Variants in GRIK2 observed in about 807,000 individuals in gnomAD.
GRIK2 encodes the protein glutamate ionotropic receptor kainate type subunit 2.
In GRIK2, 32 loss-of-function variants were observed where a neutral mutation model predicts 100.3. That is an observed-to-expected ratio of 0.32 (90% CI 0.24 to 0.43). GRIK2 has a LOEUF of 0.43. Among genes scored for constraint, GRIK2 ranks in the 20% least tolerant of loss-of-function variants. The pLI is 1.00. For synonymous variants in GRIK2, 417 were observed against 389.4 expected (o/e 1.07, Z -0.83); for missense variants, 843 against 1,114.9 (o/e 0.76, Z 3.47).
chr6:101,609,140 A>G (rs1779566203), intron 2 of GRIK2, among the ~76,000 whole-genome samples: 1 of 151,828 alleles, frequency 6.6e-6, no homozygotes, highest in Non-Finnish European at 1.5e-5. Context: ...CTACTAGATT[A>G]GCTACATTAT....
At position 101,458,064 on chromosome 6, in the gene GRIK2, T is replaced by C. The variant is rs138991877; in HGVS notation, c.115+58672T>C. Among the ~76,000 whole-genome samples the C allele has an allele frequency of 6.1e-4, 93 of 152,236 alleles. No individual in the cohort carries two copies. The East Asian group carries it at 6.4e-3, about 10-fold the overall frequency. On this transcript the variant is annotated intron_variant, in intron 2 of 16. Transcript: ENST00000369134. ...TAAGTATTCTCATGAAAACACACTG[T>C]GCATATTTGAAAAATATTATGAGAT...
intron 2 of GRIK2, among the ~76,000 whole-genome samples, chr6:101,426,652 G>A (rs17061941): frequency 0.047 from 7,112 of 152,188 alleles, 396 homozygotes; most frequent in East Asian, 0.29. Context: ...ACTGTCTACA[G>A]GCACTCAAAT....
intron 2 of GRIK2, among the ~76,000 whole-genome samples, chr6:101,456,101 G>A (rs1241909556): frequency 1.3e-5 from 2 of 150,098 alleles, no homozygotes; most frequent in Non-Finnish European, 3.0e-5. Flanking sequence ...TTGGACATTA[G>A]CAGGAATTGG....
intron 14 of GRIK2, among the ~76,000 whole-genome samples, chr6:102,026,454 A>G (rs1269367315): frequency 6.6e-6 from 1 of 151,106 alleles, no homozygotes; most frequent in Admixed American, 6.6e-5. Context: ...ACATGACAGT[A>G]AAATATATTC....
intron 12 of GRIK2, among the ~76,000 whole-genome samples, chr6:101,895,549 A>G (rs1787382014): frequency 2.0e-5 from 3 of 151,734 alleles, no homozygotes; most frequent in South Asian, 4.1e-4. Context: ...CATTTAATGT[A>G]CGGTGAAGGA....
intron 10 of GRIK2, among the ~76,000 whole-genome samples, chr6:101,837,661 A>G (rs1783220550): frequency 6.6e-6 from 1 of 152,178 alleles, no homozygotes; most frequent in African/African-American, 2.4e-5. Context: ...GCGAATCTAG[A>G]GCCACTTCAA....
chr6:101,749,544 A>T (rs368933819), intron 7 of GRIK2, among the ~76,000 whole-genome samples: 53 of 152,280 alleles, frequency 3.5e-4, no homozygotes, highest in African/African-American at 1.2e-3. Flanking sequence ...ATAAAGCCTG[A>T]CATGTGCGTT....
intron 9 of GRIK2, among the ~76,000 whole-genome samples, chr6:101,806,215 G>A (rs943399967): frequency 2.6e-5 from 4 of 152,048 alleles, no homozygotes; most frequent in Non-Finnish European, 5.9e-5. Context: ...TTGCTTATGA[G>A]AGGCTGGTAT....
At chr6:101,951,413 G>A (rs187861011) in intron 14 of GRIK2, among the ~76,000 whole-genome samples, 25 of 152,274 alleles carry the variant, frequency 1.6e-4, no homozygotes, top group Non-Finnish European at 2.8e-4. Context: ...GAAGTAAATG[G>A]AATGGCTTTT....
At chr6:101,402,241 CACAT>C (rs1775352261) in intron 2 of GRIK2, among the ~76,000 whole-genome samples, 1 of 152,202 alleles carries the variant, frequency 6.6e-6, no homozygotes, top group African/African-American at 2.4e-5. Context: ...CAATAACACA[CACAT>C]ACACACACAC....
intron 7 of GRIK2, among the ~76,000 whole-genome samples, chr6:101,762,170 C>T (rs1777759351): frequency 7.0e-6 from 1 of 143,296 alleles, no homozygotes; most frequent in South Asian, 2.2e-4. Context: ...CTGTCTCTGT[C>T]TCTCTCTCTC....
At chr6:101,526,182 A>G (rs888772679) in intron 2 of GRIK2, among the ~76,000 whole-genome samples, 4 of 152,174 alleles carry the variant, frequency 2.6e-5, no homozygotes, top group African/African-American at 9.7e-5. Context: ...CAATTCAGAA[A>G]AGAAAAAACC....
chr6:101,678,434 A>T (rs1385775937), intron 5 of GRIK2, among the ~76,000 whole-genome samples: 1 of 152,156 alleles, frequency 6.6e-6, no homozygotes, highest in Non-Finnish European at 1.5e-5. Flanking sequence ...AAAATTAGAA[A>T]ATAGGTAAAA....
At chr6:101,636,267 C>T (rs891162618) in intron 4 of GRIK2, among the ~76,000 whole-genome samples, 2 of 152,016 alleles carry the variant, frequency 1.3e-5, no homozygotes, top group Non-Finnish European at 1.5e-5. Context: ...AACCAAACAC[C>T]GCATGTTCTC....
intron 10 of GRIK2, among the ~76,000 whole-genome samples, chr6:101,820,916 C>A (rs1301361484): frequency 6.6e-6 from 1 of 152,252 alleles, no homozygotes; most frequent in African/African-American, 2.4e-5. Flanking sequence ...ATGGCATTAT[C>A]ATTTTTTTAA....
chr6:101,671,787 C>A (rs1770452954), intron 4 of GRIK2, among the ~76,000 whole-genome samples: 1 of 152,062 alleles, frequency 6.6e-6, no homozygotes, highest in Non-Finnish European at 1.5e-5. Flanking sequence ...TTGTTTGAAC[C>A]CAGGAGGCGG....
intron 4 of GRIK2, among the ~76,000 whole-genome samples, chr6:101,673,547 A>G (rs1292540842): frequency 6.6e-6 from 1 of 152,160 alleles, no homozygotes; most frequent in Non-Finnish European, 1.5e-5. Flanking sequence ...TTTGCTTCAT[A>G]AGATTCTCTG....
At chr6:101,458,451 C>T (rs1425529057) in intron 2 of GRIK2, among the ~76,000 whole-genome samples, 1 of 152,180 alleles carries the variant, frequency 6.6e-6, no homozygotes, top group Non-Finnish European at 1.5e-5. Context: ...CTTAGATAAA[C>T]TGAAGGAGTC....
chr6:102,061,317 C>G (rs567886484), intron 16 of GRIK2, among the ~76,000 whole-genome samples: 2 of 150,350 alleles, frequency 1.3e-5, no homozygotes, highest in African/African-American at 4.8e-5. Flanking sequence ...CAAAACTACC[C>G]TAAGAGCCAT....
Sources: allele counts gnomAD v4.1 joint callset (sites outside exome capture counted in the v4.1 genomes callset), GRCh38; gene constraint gnomAD v4.1.1; transcripts MANE v1.5; gene names NCBI Gene and HGNC (gene_info 2026-07-23, HGNC 2026-07-21).